Variants in SEPTIN8 observed in about 807,000 individuals in gnomAD.
The protein encoded by SEPTIN8 is septin-8.
SEPTIN8 carries 22 observed loss-of-function variants against 53.1 expected under a neutral mutation model. That is an observed-to-expected ratio of 0.41 (90% CI 0.30 to 0.59). The LOEUF is 0.59. SEPTIN8 is among the 20% of genes least tolerant of loss of function. The pLI is 0.24. For synonymous variants in SEPTIN8, 228 were observed against 248.4 expected, an observed-to-expected ratio of 0.92 and a Z score of 0.77; for missense variants, 536 against 638.7, an observed-to-expected ratio of 0.84 and a Z score of 1.73.
At chr5:132,774,991 C>A (rs1757654479) in intron 1 of SEPTIN8, among the ~76,000 whole-genome samples, 1 of 152,186 alleles carries the variant, frequency 6.6e-6, no homozygotes, top group Admixed American at 6.5e-5. Context: ...GGTCTCCACC[C>A]AAATCCAACC....
Position 132,777,149 on chromosome 5 carries a change from C to A in SEPTIN8, c.-12G>T, listed in dbSNP as rs1757882709. 2.6e-6 allele frequency: 3 copies of A among 1,168,126 alleles called. No individual in the cohort carries two copies. The highest frequency in any genetic ancestry group is 3.2e-6 in the Non-Finnish European group (3 of 946,548). 72.4% of individuals were successfully genotyped at this position (1,168,126 alleles called of 1,614,324 possible). The stretch of plus-strand genomic sequence containing the variant: ...TCGGTGGCCGCCATGGCGAGCTCCG[C>A]ACCGGGCGGGTGGGCTGGGACGAGC... On this transcript the variant is annotated 5_prime_UTR_variant, in exon 1 of 10. Transcript: ENST00000378719. The surrounding 1 kb of genome is among the most constrained non-coding windows in gnomAD (Gnocchi z 4.1).
upstream of SEPTIN8, among the ~76,000 whole-genome samples, chr5:132,779,303 C>T (rs1254807421): frequency 6.6e-6 from 1 of 152,208 alleles, no homozygotes; most frequent in Non-Finnish European, 1.5e-5. Flanking sequence ...GTTTCGTATA[C>T]ACCTAGAGGT....
upstream of SEPTIN8, chr5:132,777,930 T>C (rs1757939809): frequency 3.0e-6 from 3 of 985,308 alleles, no homozygotes; most frequent in South Asian, 1.4e-4. The surrounding 1 kb of genome is among the most constrained non-coding windows in gnomAD (Gnocchi z 4.1). Context: ...GGTCAAGGCG[T>C]CAGATTGCAA....
At chr5:132,752,342 G>A (rs1754919888) in intron 9 of SEPTIN8, 161 bp from the exon 10 acceptor site, 1 of 974,678 alleles carries the variant, frequency 1.0e-6, no homozygotes, top group Non-Finnish European at 1.5e-6. Flanking sequence ...CAAAGGCTAG[G>A]CTTTCCACAC....
In SEPTIN8 at chr5:132,761,333, C is replaced by T; in HGVS notation, c.963-68G>A. 3 of 1,601,996 alleles carry T rather than the reference C, an allele frequency of 1.9e-6. No individual in the cohort carries two copies. The highest frequency in any genetic ancestry group is 2.5e-6 in the Non-Finnish European group (3 of 1,176,950). On this transcript the variant is annotated intron_variant, in intron 7 of 9. Transcript: ENST00000378719. This position sits in a 1 kb window ranked among gnomAD's most constrained non-coding sequence, Gnocchi z 5.8. Reference sequence around the variant, plus strand: ...CGGAATGGGATAGGGCAGGGCAGAGCCAGAGAAGTAGAATCATGTGGGCAC... The same window carrying T: ...CGGAATGGGATAGGGCAGGGCAGAGTCAGAGAAGTAGAATCATGTGGGCAC...
At chr5:132,752,215 C>A in intron 9 of SEPTIN8, 34 bp from the exon 10 acceptor site, 3 of 1,549,554 alleles carry the variant, frequency 1.9e-6, no homozygotes, top group East Asian at 4.8e-5. Flanking sequence ...CAACTTTGCC[C>A]CAGACCAGGC....
intron 9 of SEPTIN8, chr5:132,752,761 G>C: frequency 1.1e-6 from 1 of 892,636 alleles, no homozygotes. Flanking sequence ...TTGGGTGGTT[G>C]GACCTTCCTG....
At chr5:132,753,014 C>A (rs1754998428) in intron 9 of SEPTIN8, 2 of 1,472,888 alleles carry the variant, frequency 1.4e-6, no homozygotes, top group Non-Finnish European at 1.9e-6. Context: ...TAGTGTGAAA[C>A]CTCCTTGCTT....
rs746214629 is a variant in SEPTIN8 at position 132,765,383 on chromosome 5, G to T, written c.151+26C>A. ...CCCAGGAGGTTCTCACCCACCCTCT[G>T]TCTGAGGCCAGGCCCTGACACTCAC... On this transcript the variant is annotated intron_variant, in intron 2 of 9. Coordinates refer to ENST00000378719, the MANE Select transcript of SEPTIN8 (RefSeq NM_001098811.2). 3.1e-6 allele frequency: 5 copies of T among 1,612,180 alleles called. No individual in the cohort carries two copies. In the Admixed American group the frequency reaches 8.3e-5, roughly 27 times the overall value.
Position 132,751,321 on chromosome 5 carries a change from C to T in SEPTIN8, c.*695G>A, listed in dbSNP as rs1754826199. On this transcript the variant is annotated 3_prime_UTR_variant, in exon 10 of 10. Transcript: ENST00000378719. ...TTCTATGAATACTGTACATAAATAT[C>T]TGTCTGCTTTTGCTACACTTTACAC... 8.3e-6 allele frequency: 2 copies of T among 241,568 alleles called. No individual in the cohort carries two copies. The highest frequency in any genetic ancestry group is 1.6e-5 in the Non-Finnish European group (2 of 126,102). The allele number at this position is 241,568 out of a possible 1,614,324, so 15.0% of individuals were successfully genotyped here.
upstream of SEPTIN8, chr5:132,777,952 C>T (rs542397280): frequency 4.8e-5 from 47 of 985,364 alleles, no homozygotes; most frequent in Middle Eastern, 2.1e-3. The surrounding 1 kb of genome is among the most constrained non-coding windows in gnomAD (Gnocchi z 4.1). Flanking sequence ...TGTCCATCAC[C>T]CTGCCTGTCC....
intron 9 of SEPTIN8, chr5:132,758,396 T>C: frequency 6.6e-7 from 1 of 1,515,164 alleles, no homozygotes; most frequent in East Asian, 2.5e-5. Context: ...TTTTGCAGCA[T>C]GTATACCAGA....
chr5:132,753,207 T>G (rs1755014034), intron 9 of SEPTIN8: 1 of 489,392 alleles, frequency 2.0e-6, no homozygotes, highest in Admixed American at 3.2e-5. Flanking sequence ...TGTCTTCCCT[T>G]TTTCTCCTCT....
chr5:132,772,022 A>G (rs1011906295), intron 1 of SEPTIN8, among the ~76,000 whole-genome samples: 3 of 152,196 alleles, frequency 2.0e-5, no homozygotes, highest in Non-Finnish European at 4.4e-5. Flanking sequence ...AGAAGATTCA[A>G]GCAAGGATCA....
Position 132,777,183 on chromosome 5 carries a change from A to C in SEPTIN8, c.-46T>G. 1 of 1,163,542 alleles carries C rather than the reference A, an allele frequency of 8.6e-7. No homozygotes were observed. The allele number at this position is 1,163,542 out of a possible 1,614,324, so 72.1% of individuals were successfully genotyped here. A position where few individuals can be genotyped will look rare whatever the true frequency, so the allele number is the denominator to read the frequency against. On this transcript the variant is annotated 5_prime_UTR_variant, in exon 1 of 10. Coordinates refer to ENST00000378719, the MANE Select transcript of SEPTIN8 (RefSeq NM_001098811.2). This position sits in a 1 kb window ranked among gnomAD's most constrained non-coding sequence, Gnocchi z 4.1. ...GGTGGGCTGGGACGAGCGCAGGGGC[A>C]GCGACAGGGACCAGCCGGCTGCGGG...
chr5:132,777,516 C>T (rs1757920561), upstream of SEPTIN8: 7 of 961,300 alleles, frequency 7.3e-6, no homozygotes, highest in African/African-American at 1.8e-5. The surrounding 1 kb of genome is among the most constrained non-coding windows in gnomAD (Gnocchi z 4.1). Flanking sequence ...CTGCGTGTCC[C>T]CTGGAGCCTG....
intron 1 of SEPTIN8, chr5:132,775,869 T>C (rs1490826611): frequency 6.6e-6 from 1 of 152,190 alleles, no homozygotes; most frequent in Non-Finnish European, 1.5e-5. Context: ...CTGTTCCTCA[T>C]GTATTTAAAC....
intron 1 of SEPTIN8, among the ~76,000 whole-genome samples, chr5:132,766,513 C>T (rs1448789395): frequency 2.0e-5 from 3 of 152,194 alleles, no homozygotes; most frequent in Admixed American, 1.3e-4. Context: ...TAAAATGCTG[C>T]CCGAGGGAAG....
At chr5:132,769,770 C>T (rs534190583) in intron 1 of SEPTIN8, among the ~76,000 whole-genome samples, 1 of 151,526 alleles carries the variant, frequency 6.6e-6, no homozygotes, top group East Asian at 2.0e-4. Context: ...CACATCACTC[C>T]CCGCCTGCTG....
Sources: gnomAD v4.1 joint callset for allele counts (sites outside exome capture counted in the v4.1 genomes callset) on GRCh38, gnomAD v4.1.1 for gene constraint, Gnocchi (gnomAD v3.1) non-coding constraint, MANE v1.5 for transcripts, NCBI Gene and HGNC (gene_info 2026-07-23, HGNC 2026-07-21) for gene names.